CACNG6: variants seen among roughly 807,000 people sequenced by gnomAD.
The protein encoded by CACNG6 is calcium voltage-gated channel auxiliary subunit gamma 6, also known as voltage-dependent calcium channel gamma-6 subunit.
CACNG6 carries 21 observed loss-of-function variants against 23.9 expected under a neutral mutation model. The observed-to-expected ratio is 0.88, with a 90% CI of 0.62 to 1.26. The LOEUF (loss-of-function observed/expected upper bound fraction) is 1.26. CACNG6 is among the 50% of genes most tolerant of loss of function. The pLI is 0.00. For missense variants in CACNG6, 340 were observed against 352.9 expected (o/e 0.96, Z 0.29); for synonymous variants, 182 against 168.9 (o/e 1.08, Z -0.60).
intron 3 of CACNG6, among the ~76,000 whole-genome samples, chr19:54,005,272 T>G (rs2069630878): frequency 9.7e-6 from 1 of 103,058 alleles, no homozygotes; most frequent in South Asian, 3.2e-4. Context: ...AAAGAGCACG[T>G]GAGAGAAACT....
intron 3 of CACNG6, among the ~76,000 whole-genome samples, chr19:54,002,601 G>C (rs936319004): frequency 2.6e-5 from 4 of 151,874 alleles, no homozygotes; most frequent in Non-Finnish European, 5.9e-5. Flanking sequence ...TAAAGATGAT[G>C]TTTGTTCTCA....
chr19:54,011,928 G>A, intron 3 of CACNG6, 23 bp from the exon 4 acceptor site: 2 of 1,443,102 alleles, frequency 1.4e-6, no homozygotes, highest in South Asian at 1.5e-5. Context: ...GCGTCTGACT[G>A]CGAGCTGTCC....
At chr19:54,001,337 T>A (rs990683221) in intron 3 of CACNG6, among the ~76,000 whole-genome samples, 1 of 151,878 alleles carries the variant, frequency 6.6e-6, no homozygotes, top group Non-Finnish European at 1.5e-5. Context: ...TACAGGTGTG[T>A]GCCACCACGC....
chr19:54,005,475 G>T (rs1279942566), intron 3 of CACNG6, among the ~76,000 whole-genome samples: 1 of 151,124 alleles, frequency 6.6e-6, no homozygotes. Context: ...AAATAAACTG[G>T]CCGGGCATGG....
At position 53,997,832 on chromosome 19, in the gene CACNG6, C is replaced by T. The variant is rs551741995; in HGVS notation, c.332-407C>T. On this transcript the variant is annotated intron_variant, in intron 1 of 3. Transcript: ENST00000252729. ...TAGGAATCCTTCCTGAGACAGGATTCCTTTCTGAGTCTGTTAGTCTTCTGC... is the reference window on the plus strand; with the variant it reads ...TAGGAATCCTTCCTGAGACAGGATTTCTTTCTGAGTCTGTTAGTCTTCTGC... Among the ~76,000 whole-genome samples the T allele has an allele frequency of 4.6e-5, 7 of 152,276 alleles. No individual in the cohort carries two copies. The South Asian group carries it at 1.4e-3, about 32-fold the overall frequency.
intron 3 of CACNG6, 130 bp downstream of exon 3, chr19:53,999,901 C>T (rs1458743571): frequency 8.6e-7 from 1 of 1,168,648 alleles, no homozygotes. Context: ...TGCACTGTTG[C>T]ATGCTGGGAG....
chr19:53,992,916 G>GCGGCGGGGGGCCGCGGGC lies in CACNG6; in HGVS notation c.46_63dup (p.Gly16_Arg21dup), dbSNP rs538013052. On this transcript the variant is annotated inframe_insertion, in exon 1 of 4. Coordinates refer to ENST00000252729, the MANE Select transcript of CACNG6 (RefSeq NM_145814.2). The surrounding 1 kb of genome is among the most constrained non-coding windows in gnomAD (Gnocchi z 4.1). ...ACTTCTTCCTGCAAGAGGAGAACCG[G>GCGGCGGGGGGCCGCGGGC]CGGCGGGGGGCCGCGGGCCGGCGGC... is the stretch of plus-strand genomic sequence containing the variant. 10 of 1,403,758 alleles carry GCGGCGGGGGGCCGCGGGC rather than the reference G, an allele frequency of 7.1e-6. No homozygotes were observed. The African/African-American group carries it at 1.5e-4, about 21-fold the overall frequency. 87.0% of individuals were successfully genotyped at this position (1,403,758 alleles called of 1,614,324 possible).
In CACNG6 at chr19:53,992,061, C is replaced by T. The variant is rs1355057459; in HGVS notation, c.-817C>T. Among the ~76,000 whole-genome samples the T allele has an allele frequency of 6.6e-6, 1 of 152,184 alleles. No homozygotes were observed. The highest frequency in any genetic ancestry group is 1.5e-5 in the Non-Finnish European group (1 of 68,020). On this transcript the variant is annotated 5_prime_UTR_variant, in exon 1 of 4. Transcript: ENST00000252729. The surrounding 1 kb of genome is among the most constrained non-coding windows in gnomAD (Gnocchi z 4.1). ...CGGCCACCGGCCCCTTTTCCAGGCTCAGTAGAGACCTCGGATCTTTTCTGA... is the reference window on the plus strand; with the variant it reads ...CGGCCACCGGCCCCTTTTCCAGGCTTAGTAGAGACCTCGGATCTTTTCTGA...
At chr19:53,994,341 C>T (rs868226040) in intron 1 of CACNG6, among the ~76,000 whole-genome samples, 1 of 152,278 alleles carries the variant, frequency 6.6e-6, no homozygotes, top group African/African-American at 2.4e-5. Flanking sequence ...CTGGACATTT[C>T]AGCGTTTCTC....
At chr19:53,997,134 T>G (rs564726849) in intron 1 of CACNG6, among the ~76,000 whole-genome samples, 1 of 152,242 alleles carries the variant, frequency 6.6e-6, no homozygotes, top group African/African-American at 2.4e-5. Context: ...CCTCCCAAAG[T>G]GCAGGGATTA....
chr19:53,995,618 T>G (rs1040918074), intron 1 of CACNG6, among the ~76,000 whole-genome samples: 4 of 152,240 alleles, frequency 2.6e-5, no homozygotes, highest in Non-Finnish European at 1.5e-5. Context: ...CAATGACTGC[T>G]TCAAAGAGCA....
intron 3 of CACNG6, among the ~76,000 whole-genome samples, chr19:54,011,190 TAAAAA>T (rs142489178): frequency 0.034 from 2,024 of 59,136 alleles, 101 homozygotes; most frequent in African/African-American, 0.11. Flanking sequence ...CCGTCTCTAC[TAAAAA>T]AAAAAAAAAA....
intron 2 of CACNG6, 78 bp downstream of exon 2, chr19:53,998,391 TCCCC>T: frequency 7.8e-7 from 1 of 1,290,166 alleles, no homozygotes; most frequent in Admixed American, 1.8e-5. Flanking sequence ...GAGAGAGTTA[TCCCC>T]TCCTCTGCTT....
intron 3 of CACNG6, among the ~76,000 whole-genome samples, chr19:54,000,861 T>G (rs1017334119): frequency 6.6e-6 from 1 of 152,178 alleles, no homozygotes; most frequent in Non-Finnish European, 1.5e-5. Flanking sequence ...ATTATAGGCA[T>G]GAGCCACCAC....
chr19:54,003,765 A>G (rs879225334), intron 3 of CACNG6, among the ~76,000 whole-genome samples: 1 of 152,050 alleles, frequency 6.6e-6, no homozygotes, highest in Non-Finnish European at 1.5e-5. Context: ...CCCCGAGGTA[A>G]TTTCTATGGC....
intron 3 of CACNG6, among the ~76,000 whole-genome samples, chr19:54,004,598 T>C (rs909142044): frequency 6.6e-6 from 1 of 152,102 alleles, no homozygotes; most frequent in Non-Finnish European, 1.5e-5. Context: ...ACTGCTAGAA[T>C]AACATGGTGG....
At chr19:54,011,205 A>AAAATATATAT (rs58054808) in intron 3 of CACNG6, among the ~76,000 whole-genome samples, 91 of 102,436 alleles carry the variant, frequency 8.9e-4, no homozygotes, top group African/African-American at 4.2e-3. Context: ...AAAAAAAAAA[A>AAAATATATAT]ATATATATAT....
chr19:54,011,430 CAAAAAAAA>C (rs59105087), intron 3 of CACNG6, among the ~76,000 whole-genome samples: 2 of 100,566 alleles, frequency 2.0e-5, no homozygotes, highest in African/African-American at 7.3e-5. Flanking sequence ...GACTCCGTCT[CAAAAAAAA>C]AAAAAAAAAA....
intron 3 of CACNG6, among the ~76,000 whole-genome samples, chr19:54,002,396 G>A (rs2069589713): frequency 6.8e-6 from 1 of 148,090 alleles, no homozygotes; most frequent in South Asian, 2.1e-4. Context: ...TGGGATTATA[G>A]GTATGAGCCA....
Sources: allele counts gnomAD v4.1 joint callset (sites outside exome capture counted in the v4.1 genomes callset), GRCh38; gene constraint gnomAD v4.1.1; non-coding constraint Gnocchi (gnomAD v3.1); transcripts MANE v1.5; gene names NCBI Gene and HGNC (gene_info 2026-07-23, HGNC 2026-07-21).